Variants in XKR3 observed in about 807,000 individuals in gnomAD.
The protein encoded by XKR3 is XK related 3, also known as XK-related protein 3.
Under a neutral mutation model 40.3 loss-of-function variants are expected in XKR3, and 27 were observed. The ratio of observed to expected loss-of-function variants is 0.67; its 90% CI spans 0.49 to 0.92. XKR3 has a LOEUF of 0.92. Ranked by LOEUF, XKR3 falls within the 40% of genes least tolerant of loss-of-function variation. XKR3 has a pLI of 0.00. For missense variants in XKR3, 472 were observed against 537.6 expected (o/e 0.88, Z 1.21); for synonymous variants, 193 against 195.4 (o/e 0.99, Z 0.10).
At chr22:16,795,848 T>A (rs2060138139) in intron 3 of XKR3, among the ~76,000 whole-genome samples, 1 of 152,012 alleles carries the variant, frequency 6.6e-6, no homozygotes, top group Non-Finnish European at 1.5e-5. Context: ...ATGCCTGTAA[T>A]CCCAGCTACT....
intron 3 of XKR3, among the ~76,000 whole-genome samples, chr22:16,792,111 A>G (rs1379360888): frequency 1.3e-5 from 2 of 151,888 alleles, no homozygotes; most frequent in Non-Finnish European, 2.9e-5. Context: ...CCAGCTAATT[A>G]TTGTATTTTT....
chr22:16,796,814 A>G (rs1477898232), intron 3 of XKR3, among the ~76,000 whole-genome samples: 1 of 152,224 alleles, frequency 6.6e-6, no homozygotes, highest in Non-Finnish European at 1.5e-5. Flanking sequence ...AAAAAATTCT[A>G]TTCTAAATTT....
chr22:16,803,144 T>A (rs2060176313), intron 2 of XKR3, among the ~76,000 whole-genome samples: 1 of 152,138 alleles, frequency 6.6e-6, no homozygotes, highest in East Asian at 1.9e-4. Flanking sequence ...AATCATTATG[T>A]TTTCATAAAT....
chr22:16,784,560 C>T, intron 3 of XKR3, 151 bp from the exon 4 acceptor site: 2 of 806,454 alleles, frequency 2.5e-6, no homozygotes, highest in South Asian at 3.9e-5. Context: ...TGTTAATCTT[C>T]CATTTTCAGG....
At chr22:16,802,051 C>T (rs1350568569) in intron 2 of XKR3, among the ~76,000 whole-genome samples, 1 of 152,202 alleles carries the variant, frequency 6.6e-6, no homozygotes, top group African/African-American at 2.4e-5. Context: ...AAAGTCTCCT[C>T]TGTCATTGTC....
chr22:16,800,713 G>A (rs1601844635), intron 2 of XKR3, among the ~76,000 whole-genome samples: 1 of 152,052 alleles, frequency 6.6e-6, no homozygotes, highest in East Asian at 1.9e-4. Context: ...AAATCTATGG[G>A]AAATAAGCAG....
chr22:16,784,381 T>G lies in XKR3; in HGVS notation c.618A>C (p.Ser206=). The G allele has an allele frequency of 1.2e-6, 2 of 1,602,796 alleles. No individual in the cohort carries two copies. Among genetic ancestry groups the G allele is most frequent in the Non-Finnish European group, 1.7e-6 (2 of 1,175,790 alleles). Residue 206 remains serine (S), a synonymous_variant, in exon 4 of 4, where the codon TCA becomes TCC. Coordinates refer to ENST00000684488, the MANE Select transcript of XKR3 (RefSeq NM_001386955.1). ...TGCAGCGAATGGCCCCATAAGTAAC[T>G]GATAACAGGGAAAATGTCATCAGCA... ...RALLMTFSLL[S]VTYGAIRCNI... is the part of the protein sequence containing the mutation.
intron 3 of XKR3, among the ~76,000 whole-genome samples, chr22:16,785,823 G>A (rs5994014): frequency 3.9e-5 from 6 of 152,064 alleles, no homozygotes; most frequent in Admixed American, 6.5e-5. Context: ...ACTCCAGCCT[G>A]GGCGACAGAG....
intron 2 of XKR3, among the ~76,000 whole-genome samples, chr22:16,807,276 G>A (rs760857776): frequency 1.8e-4 from 28 of 152,264 alleles, no homozygotes; most frequent in Non-Finnish European, 3.2e-4. Flanking sequence ...GATATTCCAA[G>A]TCACAGCTAC....
At chr22:16,823,387 T>A (rs899294819) in intron 1 of XKR3, among the ~76,000 whole-genome samples, 1 of 152,184 alleles carries the variant, frequency 6.6e-6, no homozygotes, top group Non-Finnish European at 1.5e-5. Context: ...CATCATCATT[T>A]CTTAGAAACA....
chr22:16,813,302 AAAAC>A (rs2060220554), intron 1 of XKR3, among the ~76,000 whole-genome samples: 1 of 151,832 alleles, frequency 6.6e-6, no homozygotes, highest in African/African-American at 2.4e-5. Flanking sequence ...CAAAAAACAA[AAAAC>A]AAACAAACAA....
intron 3 of XKR3, among the ~76,000 whole-genome samples, chr22:16,794,651 C>T (rs762686192): frequency 2.3e-4 from 35 of 152,210 alleles, no homozygotes; most frequent in Non-Finnish European, 2.6e-4. Context: ...AAAGCAGCTA[C>T]ACAACGAAGT....
At chr22:16,814,262 T>C (rs1368279087) in intron 1 of XKR3, among the ~76,000 whole-genome samples, 5 of 152,144 alleles carry the variant, frequency 3.3e-5, no homozygotes, top group Non-Finnish European at 7.4e-5. Flanking sequence ...CTCAGCTCCA[T>C]TTCTTGAGAT....
chr22:16,818,650 A>C (rs1209475535), intron 1 of XKR3, among the ~76,000 whole-genome samples: 1 of 152,134 alleles, frequency 6.6e-6, no homozygotes, highest in Non-Finnish European at 1.5e-5. Flanking sequence ...AGCTTCTCCC[A>C]GGTCAGTGAT....
intron 3 of XKR3, among the ~76,000 whole-genome samples, chr22:16,795,691 G>A (rs1394337204): frequency 2.6e-5 from 4 of 152,062 alleles, no homozygotes; most frequent in Admixed American, 6.5e-5. Context: ...AAAAGGCTGC[G>A]TATGATGACT....
chr22:16,807,432 T>C (rs1219319313), intron 2 of XKR3, among the ~76,000 whole-genome samples: 1 of 152,202 alleles, frequency 6.6e-6, no homozygotes, highest in Non-Finnish European at 1.5e-5. Context: ...GTTCTAGGCC[T>C]CATAACTATT....
chr22:16,810,011 C>G (rs1405880198), intron 1 of XKR3, among the ~76,000 whole-genome samples: 1 of 152,220 alleles, frequency 6.6e-6, no homozygotes, highest in Non-Finnish European at 1.5e-5. Flanking sequence ...CTCAGGCTCC[C>G]AAACTGCTGG....
At chr22:16,787,195 A>C (rs1202575718) in intron 3 of XKR3, among the ~76,000 whole-genome samples, 2 of 152,186 alleles carry the variant, frequency 1.3e-5, no homozygotes, top group African/African-American at 4.8e-5. Flanking sequence ...CAGAAGAAAA[A>C]AAAAAGAAAT....
chr22:16,791,919 TTTTTTTG>T (rs1218968059), intron 3 of XKR3, among the ~76,000 whole-genome samples: 5 of 151,736 alleles, frequency 3.3e-5, no homozygotes, highest in African/African-American at 7.3e-5. Flanking sequence ...TTTTGTTTTT[TTTTTTTG>T]TTTGTTTTTT....
Sources: gnomAD v4.1 joint callset for allele counts (sites outside exome capture counted in the v4.1 genomes callset) on GRCh38, gnomAD v4.1.1 for gene constraint, MANE v1.5 for transcripts, NCBI Gene and HGNC (gene_info 2026-07-23, HGNC 2026-07-21) for gene names.